Variants in AGAP1 observed in about 807,000 individuals in gnomAD.
The protein encoded by AGAP1 is arf-GAP with GTPase, ANK repeat and PH domain-containing protein 1.
In AGAP1, 29 loss-of-function variants were observed where a neutral mutation model predicts 105.3. The observed-to-expected ratio is 0.28, with a 90% confidence interval of 0.21 to 0.38. AGAP1 has a LOEUF of 0.38. Among genes scored for constraint, AGAP1 ranks in the 10% least tolerant of loss-of-function variants. The pLI, the probability that AGAP1 is intolerant of heterozygous loss-of-function variation, is 1.00. For synonymous variants in AGAP1, 509 were observed against 485.9 expected, an observed-to-expected ratio of 1.05 and a Z score of -0.63; for missense variants, 998 against 1,165.1, an observed-to-expected ratio of 0.86 and a Z score of 2.09.
chr2:235,670,413 TG>T, intron 1 of AGAP1: 1 of 565,926 alleles, frequency 1.8e-6, no homozygotes, highest in East Asian at 3.7e-5. Context: ...CAGCTGGAAC[TG>T]GGGCGGCTCC....
chr2:235,772,121 A>G (rs1955509625), intron 6 of AGAP1, among the ~76,000 whole-genome samples: 1 of 151,374 alleles, frequency 6.6e-6, no homozygotes, highest in Admixed American at 6.6e-5. Flanking sequence ...CAGCCTCCCA[A>G]GTAGCTGAGA....
chr2:235,784,684 A>G (rs1433888046), intron 6 of AGAP1, among the ~76,000 whole-genome samples: 1 of 151,184 alleles, frequency 6.6e-6, no homozygotes, highest in Non-Finnish European at 1.5e-5. Context: ...AAAAAAATTT[A>G]CCTGGTTTAT....
At chr2:235,762,588 C>A (rs1282746716) in intron 6 of AGAP1, among the ~76,000 whole-genome samples, 1 of 152,076 alleles carries the variant, frequency 6.6e-6, no homozygotes, top group East Asian at 1.9e-4. Context: ...GAAAAATAGG[C>A]CAGATGTGGT....
At chr2:235,706,138 A>G (rs567509473) in intron 1 of AGAP1, among the ~76,000 whole-genome samples, 1 of 152,214 alleles carries the variant, frequency 6.6e-6, no homozygotes, top group Non-Finnish European at 1.5e-5. Flanking sequence ...ACCCTAAATC[A>G]GCACCTGTTA....
rs2058815001 is a variant in AGAP1 at position 236,082,563 on chromosome 2, T to A, written c.2114+33282T>A. 6.6e-6 allele frequency among the ~76,000 whole-genome samples: 1 copy of A among 152,184 alleles called. No homozygotes were observed. The highest frequency in any genetic ancestry group is 2.1e-4 in the South Asian group (1 of 4,828). On this transcript the variant is annotated intron_variant, in intron 16 of 17. Coordinates refer to ENST00000304032, the MANE Select transcript of AGAP1 (RefSeq NM_001037131.3). The surrounding 1 kb of genome is among the most constrained non-coding windows in gnomAD (Gnocchi z 4.2). Reference sequence around the variant, plus strand: ...AGCTCACCTGCAGTGGTGATTGGTTTACAAAATTCACCTAGTTAAAGAAAA... The same window carrying A: ...AGCTCACCTGCAGTGGTGATTGGTTAACAAAATTCACCTAGTTAAAGAAAA...
Position 235,904,136 on chromosome 2 carries a change from C to A in AGAP1, c.1156-4602C>A, listed in dbSNP as rs2051191486. Among the ~76,000 whole-genome samples, 1 of 152,196 alleles carries A rather than the reference C, an allele frequency of 6.6e-6. No homozygotes were observed. The highest frequency in any genetic ancestry group is 2.4e-5 in the African/African-American group (1 of 41,440). On this transcript the variant is annotated intron_variant, in intron 10 of 17. Transcript: ENST00000304032. The surrounding 1 kb of genome is among the most constrained non-coding windows in gnomAD (Gnocchi z 4.2). ...CTAATTGAATGAAACTCAATCATAGCTCTTAATTGCTTGACTATGTGAAAA... is the reference window on the plus strand; with the variant it reads ...CTAATTGAATGAAACTCAATCATAGATCTTAATTGCTTGACTATGTGAAAA...
At chr2:235,636,725 C>T (rs188676963) in intron 1 of AGAP1, among the ~76,000 whole-genome samples, 3 of 152,202 alleles carry the variant, frequency 2.0e-5, no homozygotes, top group East Asian at 1.9e-4. Flanking sequence ...TCCTAACGCC[C>T]GGTGCCTATG....
rs962937494 is a variant in AGAP1 at position 235,957,263 on chromosome 2, G to T, written c.1484-11199G>T. Among the ~76,000 whole-genome samples the T allele has an allele frequency of 2.6e-5, 4 of 152,122 alleles. No individual in the cohort carries two copies. The highest frequency in any genetic ancestry group is 1.3e-4 in the Admixed American group (2 of 15,276). On this transcript the variant is annotated intron_variant, in intron 12 of 17. Coordinates refer to ENST00000304032, the MANE Select transcript of AGAP1 (RefSeq NM_001037131.3). This position sits in a 1 kb window ranked among gnomAD's most constrained non-coding sequence, Gnocchi z 4.6. Reference sequence around the variant, plus strand: ...AATTTCCTAAATTCCTACTGACTAGGCTTAATTTAGAGAGATCTCTGGGCG... The same window carrying T: ...AATTTCCTAAATTCCTACTGACTAGTCTTAATTTAGAGAGATCTCTGGGCG...
At chr2:235,838,515 A>G (rs1267116079) in intron 9 of AGAP1, among the ~76,000 whole-genome samples, 75 of 152,256 alleles carry the variant, frequency 4.9e-4, no homozygotes, top group Admixed American at 4.8e-3. Context: ...CCAAAATATT[A>G]TGATGTGATT....
chr2:235,683,493 TAATA>T (rs1949203769), intron 1 of AGAP1, among the ~76,000 whole-genome samples: 2 of 150,208 alleles, frequency 1.3e-5, no homozygotes, highest in African/African-American at 2.4e-5. Context: ...TATTTAATAT[TAATA>T]AATTATACAA....
chr2:235,920,005 A>G (rs185792529), intron 11 of AGAP1, among the ~76,000 whole-genome samples: 2 of 152,300 alleles, frequency 1.3e-5, no homozygotes, highest in Non-Finnish European at 1.5e-5. Flanking sequence ...TGAGAATGGC[A>G]CACATTGTTT....
chr2:235,805,079 A>G lies in AGAP1; in HGVS notation c.958-2160A>G, dbSNP rs146157856. Among the ~76,000 whole-genome samples the G allele has an allele frequency of 3.4e-3, 518 of 152,370 alleles. 1 individual carries two copies. The highest frequency in any genetic ancestry group is 0.012 in the African/African-American group (489 of 41,588). On this transcript the variant is annotated intron_variant, in intron 8 of 17. Coordinates refer to ENST00000304032, the MANE Select transcript of AGAP1 (RefSeq NM_001037131.3). Reference sequence around the variant, plus strand: ...ATTTTATGGATACAGCCTGATGTAGACAAACTAATTGTGGGGCTGAGGTAC... The same window carrying G: ...ATTTTATGGATACAGCCTGATGTAGGCAAACTAATTGTGGGGCTGAGGTAC...
At chr2:235,706,901 A>G (rs1274016612) in intron 1 of AGAP1, among the ~76,000 whole-genome samples, 3 of 152,216 alleles carry the variant, frequency 2.0e-5, no homozygotes, top group Non-Finnish European at 4.4e-5. Flanking sequence ...TCGATAACAG[A>G]AAGAAGTGTT....
intron 1 of AGAP1, among the ~76,000 whole-genome samples, chr2:235,613,177 G>A (rs1191128369): frequency 1.3e-5 from 2 of 152,014 alleles, no homozygotes; most frequent in Admixed American, 6.6e-5. Flanking sequence ...TGTATTTTTA[G>A]TAGAGACTGG....
chr2:236,026,385 C>A (rs1398676451), intron 13 of AGAP1, among the ~76,000 whole-genome samples: 2 of 152,198 alleles, frequency 1.3e-5, no homozygotes, highest in Non-Finnish European at 2.9e-5. Context: ...TACCATGTCC[C>A]CCAGCATTTA....
chr2:235,646,509 T>A (rs1575033466), intron 1 of AGAP1, among the ~76,000 whole-genome samples: 1 of 152,322 alleles, frequency 6.6e-6, no homozygotes, highest in East Asian at 1.9e-4. Context: ...TGCAGCCTTG[T>A]GAAGCCTCCT....
intron 1 of AGAP1, among the ~76,000 whole-genome samples, chr2:235,680,701 G>T (rs903729155): frequency 3.3e-5 from 5 of 151,944 alleles, no homozygotes; most frequent in African/African-American, 1.2e-4. Flanking sequence ...GCATCCTGGC[G>T]CGGGTCTCCT....
intron 1 of AGAP1, among the ~76,000 whole-genome samples, chr2:235,702,113 A>G (rs989507012): frequency 2.0e-5 from 3 of 151,920 alleles, no homozygotes; most frequent in Admixed American, 6.6e-5. Context: ...TGGAATGCGT[A>G]TTTGTGGTTC....
In AGAP1 at chr2:235,729,161, T is replaced by A. The variant is rs749721775; in HGVS notation, c.310+11517T>A. On this transcript the variant is annotated intron_variant, in intron 3 of 17. Coordinates refer to ENST00000304032, the MANE Select transcript of AGAP1 (RefSeq NM_001037131.3). The surrounding 1 kb of genome is among the most constrained non-coding windows in gnomAD (Gnocchi z 5.0). ...CCCAGGCCACCTCTGGACCTTGACA[T>A]TGACTAATGGGATGAGCTGCTGGAA... is the stretch of plus-strand genomic sequence containing the variant. Among the ~76,000 whole-genome samples the A allele has an allele frequency of 4.6e-5, 7 of 152,156 alleles. No individual in the cohort carries two copies. The highest frequency in any genetic ancestry group is 1.0e-4 in the Non-Finnish European group (7 of 68,042).
Sources: allele counts gnomAD v4.1 joint callset (sites outside exome capture counted in the v4.1 genomes callset), GRCh38; gene constraint gnomAD v4.1.1; non-coding constraint Gnocchi (gnomAD v3.1); transcripts MANE v1.5; gene names NCBI Gene and HGNC (gene_info 2026-07-23, HGNC 2026-07-21).